Variants in TRPC4 observed in about 807,000 individuals in gnomAD.
TRPC4 encodes transient receptor potential cation channel subfamily C member 4.
A neutral mutation model predicts 99.4 loss-of-function variants in TRPC4; 49 were observed. The observed-to-expected ratio is 0.49, with a 90% CI of 0.39 to 0.63. TRPC4 has a LOEUF of 0.63. Ranked by LOEUF, TRPC4 falls within the 20% of genes least tolerant of loss-of-function variation. The pLI is 0.00. For missense variants in TRPC4, 898 were observed against 1,152.9 expected (o/e 0.78, Z 3.20); for synonymous variants, 454 against 425.9 (o/e 1.07, Z -0.81).
intron 1 of TRPC4, among the ~76,000 whole-genome samples, chr13:37,818,546 C>G (rs1460736762): frequency 1.3e-5 from 2 of 152,084 alleles, no homozygotes; most frequent in African/African-American, 4.8e-5. Context: ...TACTTGGAAC[C>G]AACCCAAATG....
intron 3 of TRPC4, among the ~76,000 whole-genome samples, chr13:37,712,397 G>C (rs971556305): frequency 6.6e-6 from 1 of 152,142 alleles, no homozygotes; most frequent in African/African-American, 2.4e-5. Context: ...TCCAGTCACC[G>C]ATTTCTGTTC....
At chr13:37,765,039 G>A (rs886813937) in intron 2 of TRPC4, among the ~76,000 whole-genome samples, 1 of 151,062 alleles carries the variant, frequency 6.6e-6, no homozygotes, top group African/African-American at 2.4e-5. Flanking sequence ...GATTGAAATA[G>A]TATGTTCCTT....
intron 2 of TRPC4, among the ~76,000 whole-genome samples, chr13:37,764,315 T>C (rs1956298767): frequency 6.6e-6 from 1 of 151,324 alleles, no homozygotes; most frequent in Admixed American, 6.6e-5. Flanking sequence ...TATACATTTT[T>C]CTATAATTAT....
At chr13:37,806,136 G>A (rs1957524491) in intron 1 of TRPC4, among the ~76,000 whole-genome samples, 1 of 151,892 alleles carries the variant, frequency 6.6e-6, no homozygotes, top group Non-Finnish European at 1.5e-5. Flanking sequence ...CATGTTTTCT[G>A]GACAAAAGAC....
At chr13:37,788,904 A>C (rs947669406) in intron 1 of TRPC4, among the ~76,000 whole-genome samples, 2 of 152,114 alleles carry the variant, frequency 1.3e-5, no homozygotes, top group Non-Finnish European at 2.9e-5. Flanking sequence ...ATTAACAATC[A>C]TTTCTATGTC....
intron 1 of TRPC4, among the ~76,000 whole-genome samples, chr13:37,829,925 C>T (rs1003476098): frequency 1.3e-5 from 2 of 152,080 alleles, no homozygotes; most frequent in Non-Finnish European, 2.9e-5. Context: ...ATATGAAATA[C>T]ACAAAATAGG....
chr13:37,810,598 T>C (rs995703351), intron 1 of TRPC4, among the ~76,000 whole-genome samples: 2 of 152,130 alleles, frequency 1.3e-5, no homozygotes, highest in Non-Finnish European at 2.9e-5. Flanking sequence ...AAGACAACTT[T>C]CTGCTCTAAA....
intron 1 of TRPC4, among the ~76,000 whole-genome samples, chr13:37,816,110 T>TA (rs770382062): frequency 6.6e-6 from 1 of 151,828 alleles, no homozygotes; most frequent in Non-Finnish European, 1.5e-5. Flanking sequence ...AAAACACTGT[T>TA]AAGAGAGACA....
At chr13:37,787,792 T>C (rs1957008994) in intron 1 of TRPC4, among the ~76,000 whole-genome samples, 1 of 152,120 alleles carries the variant, frequency 6.6e-6, no homozygotes, top group African/African-American at 2.4e-5. Flanking sequence ...CATTTTATCC[T>C]AGGATTTTAA....
In TRPC4 at chr13:37,637,339, T is replaced by C; in HGVS notation, c.2498A>G (p.Gln833Arg). 6.2e-7 allele frequency: 1 copy of C among 1,613,862 alleles called. No individual in the cohort carries two copies. The change falls in exon 11 of 11, where the codon CAG becomes CGG. Residue 833 changes from glutamine to arginine, a missense_variant. By Grantham distance (43) the Gln-to-Arg change is conservative. Around this residue, in one of 3 missense-constraint regions of TRPC4, gnomAD observed 346 missense variants for 351.4 expected, o/e 0.98. Coordinates refer to ENST00000379705, the MANE Select transcript of TRPC4 (RefSeq NM_016179.4). ...ATCGGTCACAAAATTCACTTTTCTC[T>C]GCTTCTCCCTGGGCGGCTCCTGAAC... ...LVVQEPPREK[Q>R]RKVNFVTDIK...
intron 6 of TRPC4, 52 bp from the exon 7 acceptor site, chr13:37,655,335 C>CATA: frequency 9.2e-7 from 1 of 1,086,800 alleles, no homozygotes; most frequent in Non-Finnish European, 1.2e-6. Context: ...AATCATTATA[C>CATA]ATGGGATAAA....
chr13:37,736,521 C>A (rs1029824146), intron 3 of TRPC4, among the ~76,000 whole-genome samples: 9 of 152,040 alleles, frequency 5.9e-5, no homozygotes, highest in Admixed American at 3.9e-4. Context: ...ATAACCAACG[C>A]CTAAAATATA....
intron 3 of TRPC4, among the ~76,000 whole-genome samples, chr13:37,719,911 T>G (rs933122923): frequency 5.9e-5 from 9 of 152,168 alleles, no homozygotes; most frequent in African/African-American, 2.2e-4. Flanking sequence ...TTATTCTGTT[T>G]TAGAAATGTT....
At chr13:37,664,030 C>T (rs997196515) in intron 5 of TRPC4, among the ~76,000 whole-genome samples, 7 of 152,080 alleles carry the variant, frequency 4.6e-5, no homozygotes, top group East Asian at 3.9e-4. Flanking sequence ...CAAATCGTCC[C>T]GGCAGTTGCT....
At chr13:37,769,823 G>A (rs968260543) in intron 2 of TRPC4, among the ~76,000 whole-genome samples, 2 of 151,526 alleles carry the variant, frequency 1.3e-5, no homozygotes, top group Non-Finnish European at 3.0e-5. Context: ...TTTAGACATA[G>A]ATCAAACTGG....
At chr13:37,866,846 T>TGGAG (rs1959781555) in intron 1 of TRPC4, among the ~76,000 whole-genome samples, 2 of 105,020 alleles carry the variant, frequency 1.9e-5, no homozygotes, top group Non-Finnish European at 3.8e-5. Flanking sequence ...TTATTTTTTG[T>TGGAG]GGGGGGGGGC....
intron 2 of TRPC4, among the ~76,000 whole-genome samples, chr13:37,760,467 T>A (rs779505864): frequency 6.6e-6 from 1 of 151,964 alleles, no homozygotes; most frequent in Non-Finnish European, 1.5e-5. Context: ...ATTATAACTT[T>A]CCTACAAGTC....
chr13:37,837,489 G>A (rs1958598499), intron 1 of TRPC4, among the ~76,000 whole-genome samples: 1 of 152,222 alleles, frequency 6.6e-6, no homozygotes, highest in African/African-American at 2.4e-5. Context: ...TGGAGTCAAA[G>A]GAGATCATTT....
Position 37,722,982 on chromosome 13 carries a change from G to T in TRPC4, c.897+22955C>A, listed in dbSNP as rs143118220. Among the ~76,000 whole-genome samples the T allele has an allele frequency of 5.5e-3, 840 of 152,242 alleles. 9 individuals carry two copies. Among genetic ancestry groups the T allele is most frequent in the African/African-American group, 0.019 (788 of 41,536 alleles). ...ACAGAAGGGATAGCTCATACAGCGG[G>T]TGGGGAGGAAGTGTTGACTAGTACT... On this transcript the variant is annotated intron_variant, in intron 3 of 10. Coordinates refer to ENST00000379705, the MANE Select transcript of TRPC4 (RefSeq NM_016179.4).
Sources: gnomAD v4.1 joint callset for allele counts (sites outside exome capture counted in the v4.1 genomes callset) on GRCh38, gnomAD v4.1.1 for gene constraint, gnomAD v4.1.1 regional missense constraint, MANE v1.5 for transcripts, NCBI Gene and HGNC (gene_info 2026-07-23, HGNC 2026-07-21) for gene names.